ZNF667: variants seen among roughly 807,000 people sequenced by gnomAD.
The protein encoded by ZNF667 is myocardial ischemic preconditioning upregulated 1 ortholog.
In ZNF667, 13 loss-of-function variants were observed where a neutral mutation model predicts 31.8. The observed-to-expected ratio is 0.41, with a 90% confidence interval of 0.27 to 0.65. The LOEUF is 0.65. ZNF667 is among the 30% of genes least tolerant of loss of function. The probability of loss-of-function intolerance (pLI) is 0.32; values close to 1 mark genes in which losing one functional copy is unlikely to be tolerated. For synonymous variants in ZNF667, 228 were observed against 247.1 expected (o/e 0.92, Z 0.73); for missense variants, 642 against 725.6 (o/e 0.88, Z 1.32).
At chr19:56,470,114 C>G (rs1448287931) in intron 3 of ZNF667, 5 of 440,708 alleles carry the variant, frequency 1.1e-5, no homozygotes, top group Admixed American at 2.4e-5. Flanking sequence ...TTACCTCCCT[C>G]CTTTACATCT....
Position 56,460,810 on chromosome 19 carries a change from A to G in ZNF667, c.39T>C (p.Pro13=). The G allele has an allele frequency of 6.3e-7, 1 of 1,592,178 alleles. No individual in the cohort carries two copies. Among genetic ancestry groups the G allele is most frequent in the Non-Finnish European group, 8.5e-7 (1 of 1,171,084 alleles). ...AGATGGCTAAGTCCCCAAATGTTAT[A>G]GGTGCCTGAAATGAAAAATCAAATG... ...SARGKSKSKA[P]ITFGDLAIYF... Residue 13 remains proline, a synonymous_variant, in exon 5 of 7, where the codon CCT becomes CCC. Coordinates refer to ENST00000504904, the MANE Select transcript of ZNF667 (RefSeq NM_001321356.2).
At chr19:56,449,188 G>A in intron 6 of ZNF667, 3 of 344,022 alleles carry the variant, frequency 8.7e-6, no homozygotes, top group Non-Finnish European at 1.7e-5. Flanking sequence ...TTCTCTGGAA[G>A]GACTAGTACA....
intron 6 of ZNF667, among the ~76,000 whole-genome samples, chr19:56,443,754 G>C (rs764724638): frequency 6.6e-6 from 1 of 152,120 alleles, no homozygotes; most frequent in Non-Finnish European, 1.5e-5. Flanking sequence ...CAGAAAAATA[G>C]GTAAGAGATT....
rs1300058147 is a variant in ZNF667, at chr19:56,468,003, G to A, written c.-60+3696C>T. On this transcript the variant is annotated intron_variant, in intron 3 of 6. Transcript: ENST00000504904. ...TCCCCTCCCCAGAGGTTGAAGGGTG[G>A]AGCTCAATGTCCCAACTGTCTAGTC... is the stretch of plus-strand genomic sequence containing the variant. 3.3e-5 allele frequency: 5 copies of A among 152,202 alleles called. No individual in the cohort carries two copies. In the East Asian group the frequency reaches 9.7e-4, roughly 29 times the overall value. The allele number at this position is 152,202 out of a possible 1,614,324, so 9.4% of individuals were successfully genotyped here.
chr19:56,452,780 C>T (rs937120214), intron 6 of ZNF667, among the ~76,000 whole-genome samples: 6 of 151,830 alleles, frequency 4.0e-5, no homozygotes, highest in Non-Finnish European at 7.4e-5. Context: ...ATTAGCCAGG[C>T]GTGGTGGCGG....
At position 56,442,619 on chromosome 19, in the gene ZNF667, T is replaced by C. The variant is rs1050556144; in HGVS notation, c.376A>G (p.Asn126Asp). The change falls in exon 7 of 7, where the codon AAC (asparagine) becomes GAC (aspartate). Residue 126 changes from asparagine (N) to aspartate (D), a missense_variant. Asn to Asp is a conservative substitution (Grantham distance 23). Coordinates refer to ENST00000504904, the MANE Select transcript of ZNF667 (RefSeq NM_001321356.2). The part of the protein sequence containing the change: ...QKAPTRKSGC[N>D]KNSVLVKPKK... ...GGTTTTACTAGGACTGAATTTTTGTTGCAGCCACTCTTTCGTGTAGGAGCT... is the reference window on the plus strand; with the variant it reads ...GGTTTTACTAGGACTGAATTTTTGTCGCAGCCACTCTTTCGTGTAGGAGCT... 6.2e-7 allele frequency: 1 copy of C among 1,613,836 alleles called. No individual in the cohort carries two copies. Among genetic ancestry groups the C allele is most frequent in the African/African-American group, 1.3e-5 (1 of 74,932 alleles).
chr19:56,466,693 C>T (rs772165492), intron 3 of ZNF667, among the ~76,000 whole-genome samples: 12 of 152,300 alleles, frequency 7.9e-5, no homozygotes, highest in Non-Finnish European at 1.8e-4. Flanking sequence ...ATTACAATTA[C>T]AGAAAATTTA....
chr19:56,451,881 A>AAC (rs1568843264), intron 6 of ZNF667, among the ~76,000 whole-genome samples: 3 of 55,510 alleles, frequency 5.4e-5, no homozygotes, highest in Non-Finnish European at 1.5e-4. Context: ...AAAAAAAAAA[A>AAC]AAAAAAAAAA....
chr19:56,454,734 C>T (rs969032634), intron 6 of ZNF667, among the ~76,000 whole-genome samples: 14 of 104,166 alleles, frequency 1.3e-4, no homozygotes, highest in South Asian at 3.1e-4. Flanking sequence ...AAACAAAACA[C>T]GGGCAAAAGT....
At position 56,441,838 on chromosome 19, in the gene ZNF667, T is replaced by C; in HGVS notation, c.1157A>G (p.Tyr386Cys). ...HLRIHNGEKL[Y>C]RCNKCEKVCN... is the part of the protein sequence containing the mutation. ...GACCTTCTCACATTTATTGCATCTG[T>C]ATAGTTTTTCTCCATTATGAATTCT... The change falls in exon 7 of 7, where the codon TAC (tyrosine) becomes TGC (cysteine). Residue 386 changes from tyrosine to cysteine, a missense_variant. Coordinates refer to ENST00000504904, the MANE Select transcript of ZNF667 (RefSeq NM_001321356.2). This position sits in a 1 kb window ranked among gnomAD's most constrained non-coding sequence, Gnocchi z 4.2. 1 of 1,614,148 alleles carries C rather than the reference T, an allele frequency of 6.2e-7. No individual in the cohort carries two copies. The highest frequency in any genetic ancestry group is 1.7e-5 in the Admixed American group (1 of 60,026).
chr19:56,443,817 T>C (rs1336803280), intron 6 of ZNF667, among the ~76,000 whole-genome samples: 1 of 152,186 alleles, frequency 6.6e-6, no homozygotes, highest in Non-Finnish European at 1.5e-5. Flanking sequence ...ATGGCTGGCA[T>C]AGGGTGCCAA....
rs369687382 is a variant in ZNF667 at position 56,441,862 on chromosome 19, C to A, written c.1133G>T (p.Arg378Ile). Reference sequence around the variant, plus strand: ...GTATAGTTTTTCTCCATTATGAATTCTTAGATGCAGAATAAGGGTTGAAAG... The same window carrying A: ...GTATAGTTTTTCTCCATTATGAATTATTAGATGCAGAATAAGGGTTGAAAG... ...RRLSTLILHL[R>I]IHNGEKLYRC... The change falls in exon 7 of 7, where the codon AGA (arginine) becomes ATA (isoleucine). Residue 378 changes from arginine (R) to isoleucine (I), a missense_variant. Arg to Ile is a moderately conservative substitution (Grantham distance 97, BLOSUM62 -3). Transcript: ENST00000504904. The surrounding 1 kb of genome is among the most constrained non-coding windows in gnomAD (Gnocchi z 4.2). 1.9e-6 allele frequency: 3 copies of A among 1,613,980 alleles called. No homozygotes were observed. The highest frequency in any genetic ancestry group is 1.7e-5 in the Admixed American group (1 of 60,002).
At chr19:56,449,250 AG>A in intron 6 of ZNF667, 1 of 433,466 alleles carries the variant, frequency 2.3e-6, no homozygotes, top group Non-Finnish European at 4.6e-6. Flanking sequence ...ATCAATGACC[AG>A]GTACTGACAA....
chr19:56,465,838 G>C (rs2043147637), intron 3 of ZNF667, among the ~76,000 whole-genome samples: 1 of 151,910 alleles, frequency 6.6e-6, no homozygotes, highest in Admixed American at 6.6e-5. Flanking sequence ...CTAAGGACCT[G>C]GCTGGGAGAC....
chr19:56,458,331 A>C (rs2042976531), intron 5 of ZNF667, 84 bp from the exon 6 acceptor site: 3 of 1,157,836 alleles, frequency 2.6e-6, no homozygotes, highest in African/African-American at 3.0e-5. Flanking sequence ...ACAGGAATGC[A>C]GGTTTAGTAG....
At position 56,442,023 on chromosome 19, in the gene ZNF667, G is replaced by C; in HGVS notation, c.972C>G (p.His324Gln). 1 of 1,614,044 alleles carries C rather than the reference G, an allele frequency of 6.2e-7. No individual in the cohort carries two copies. The highest frequency in any genetic ancestry group is 8.5e-7 in the Non-Finnish European group (1 of 1,179,996). ...TGCATTTAAAAGGATTCTCTAAATGGTGACTTCTTTGCTGTAGACTCTGAC... is the reference window on the plus strand; with the variant it reads ...TGCATTTAAAAGGATTCTCTAAATGCTGACTTCTTTGCTGTAGACTCTGAC... ...ALSQSLQQRS[H>Q]HLENPFKCRK... Residue 324 changes from histidine to glutamine, a missense_variant, in exon 7 of 7, where the codon CAC becomes CAG. Transcript: ENST00000504904.
intron 3 of ZNF667, chr19:56,468,237 G>T (rs1206249406): frequency 3.9e-5 from 6 of 152,188 alleles, no homozygotes; most frequent in Non-Finnish European, 8.8e-5. Context: ...ATGCCCAAAA[G>T]AAAATTCTTT....
In ZNF667 at chr19:56,441,399, A is replaced by C; in HGVS notation, c.1596T>G (p.Cys532Trp). 6.2e-7 allele frequency: 1 copy of C among 1,614,176 alleles called. No individual in the cohort carries two copies. The highest frequency in any genetic ancestry group is 8.5e-7 in the Non-Finnish European group (1 of 1,180,042). ...TGEKPYTCKTCGKAFSQRTSL... is the reference protein window; with the variant it reads ...TGEKPYTCKTWGKAFSQRTSL... ...ATGTGCGCTGACTAAAGGCCTTACCACATGTTTTGCATGTATATGGCTTCT... is the reference window on the plus strand; with the variant it reads ...ATGTGCGCTGACTAAAGGCCTTACCCCATGTTTTGCATGTATATGGCTTCT... Residue 532 changes from cysteine (C) to tryptophan (W), a missense_variant, in exon 7 of 7, where the codon TGT becomes TGG. Transcript: ENST00000504904. This position sits in a 1 kb window ranked among gnomAD's most constrained non-coding sequence, Gnocchi z 4.2.
intron 3 of ZNF667, among the ~76,000 whole-genome samples, chr19:56,462,973 G>C (rs1313873863): frequency 1.3e-5 from 2 of 152,138 alleles, no homozygotes; most frequent in Admixed American, 6.5e-5. Flanking sequence ...TGGGTGCTAG[G>C]GGAAGAGCAT....
Sources: allele counts gnomAD v4.1 joint callset (sites outside exome capture counted in the v4.1 genomes callset), GRCh38; gene constraint gnomAD v4.1.1; non-coding constraint Gnocchi (gnomAD v3.1); transcripts MANE v1.5; gene names NCBI Gene and HGNC (gene_info 2026-07-23, HGNC 2026-07-21).